Variants in CDH23 observed in about 807,000 individuals in gnomAD.
The protein encoded by CDH23 is cadherin related 23.
Under a neutral mutation model 317.1 loss-of-function variants are expected in CDH23, and 189 were observed. That is an observed-to-expected ratio of 0.60 (90% CI 0.53 to 0.67). The LOEUF (loss-of-function observed/expected upper bound fraction) is 0.67, where lower values mean the gene tolerates loss of function less well. Ranked by LOEUF, CDH23 falls within the 30% of genes least tolerant of loss-of-function variation. The pLI, the probability that CDH23 is intolerant of heterozygous loss-of-function variation, is 0.00. For missense variants in CDH23, 4,401 were observed against 4,592.4 expected (o/e 0.96, Z 1.20); for synonymous variants, 1,839 against 1,876.8 (o/e 0.98, Z 0.52).
At chr10:71,641,269 C>T (rs538490699) in intron 11 of CDH23, among the ~76,000 whole-genome samples, 2 of 152,308 alleles carry the variant, frequency 1.3e-5, no homozygotes, top group South Asian at 4.2e-4. Context: ...GACACACTGG[C>T]TCTGGGCATC....
intron 3 of CDH23, among the ~76,000 whole-genome samples, chr10:71,501,953 G>A (rs1437129614): frequency 6.6e-6 from 1 of 152,214 alleles, no homozygotes; most frequent in African/African-American, 2.4e-5. Flanking sequence ...GGCCATACCC[G>A]TGGCCTTGGA....
chr10:71,480,974 A>G (rs1408840749), intron 3 of CDH23, among the ~76,000 whole-genome samples: 1 of 152,136 alleles, frequency 6.6e-6, no homozygotes, highest in Non-Finnish European at 1.5e-5. Flanking sequence ...GTTCCATTTT[A>G]GACTTGCTGG....
Position 71,813,335 on chromosome 10 carries a change from C to T in CDH23, c.9725C>T (p.Ser3242Phe), listed in dbSNP as rs1239238990. The change falls in exon 69 of 70, where the codon TCC becomes TTC. Residue 3242 changes from serine to phenylalanine, a missense_variant. Physicochemically the swap from Ser to Phe is radical, Grantham distance 155 (BLOSUM62 -2). Coordinates refer to ENST00000224721, the MANE Select transcript of CDH23 (RefSeq NM_022124.6). The part of the protein sequence containing the change: ...RMVQKASSCH[S>F]SISELIQTEL... ...GTGCAAAAAGCCTCCTCCTGCCACTCCTCCATCTCTGAGGTAGCCGGCTGG... is the reference window on the plus strand; with the variant it reads ...GTGCAAAAAGCCTCCTCCTGCCACTTCTCCATCTCTGAGGTAGCCGGCTGG... 1.9e-6 allele frequency: 3 copies of T among 1,551,474 alleles called. No homozygotes were observed. Among genetic ancestry groups the T allele is most frequent in the Admixed American group, 2.0e-5 (1 of 50,992 alleles).
At chr10:71,515,394 TCACACA>T (rs377079980) in intron 6 of CDH23, among the ~76,000 whole-genome samples, 2 of 26,628 alleles carry the variant, frequency 7.5e-5, no homozygotes, top group African/African-American at 1.7e-4. Context: ...TCTCTCTCTC[TCACACA>T]CACACACACA....
intron 6 of CDH23, among the ~76,000 whole-genome samples, chr10:71,534,500 T>G (rs3861031): frequency 0.14 from 21,385 of 152,114 alleles, 1,803 homozygotes; most frequent in South Asian, 0.21. Flanking sequence ...TAATTCTACT[T>G]AAAACTCTCT....
chr10:71,715,537 C>T (rs889237063), intron 28 of CDH23: 3 of 170,378 alleles, frequency 1.8e-5, no homozygotes, highest in African/African-American at 4.8e-5. Flanking sequence ...TAAAGGGAAC[C>T]TTTGCCATTT....
At chr10:71,713,495 G>A (rs987346013) in intron 28 of CDH23, 3 of 562,628 alleles carry the variant, frequency 5.3e-6, no homozygotes, top group African/African-American at 3.8e-5. Flanking sequence ...GGGAGGGACA[G>A]AAGCGTGGGA....
At chr10:71,651,903 G>T (rs958602242) in intron 14 of CDH23, among the ~76,000 whole-genome samples, 4 of 152,222 alleles carry the variant, frequency 2.6e-5, no homozygotes, top group African/African-American at 9.6e-5. Flanking sequence ...CTATTTATTA[G>T]CTCCATGTCC....
At chr10:71,806,135 T>A (rs1377091600) in intron 56 of CDH23, 33 bp from the exon 57 acceptor site, 2 of 1,543,462 alleles carry the variant, frequency 1.3e-6, no homozygotes, top group Non-Finnish European at 8.8e-7. Flanking sequence ...CCTCTCCCAG[T>A]CTTTTCCTCT....
intron 6 of CDH23, among the ~76,000 whole-genome samples, chr10:71,536,247 C>T (rs528282549): frequency 7.2e-5 from 11 of 152,168 alleles, no homozygotes; most frequent in African/African-American, 1.4e-4. Context: ...GCACCCTGAA[C>T]GGTATGGCTT....
intron 49 of CDH23, 88 bp from the exon 50 acceptor site, chr10:71,798,266 C>A: frequency 1.0e-6 from 1 of 965,874 alleles, no homozygotes; most frequent in African/African-American, 1.6e-5. Context: ...TGCTGCCATG[C>A]TCACCCGGCT....
At chr10:71,562,193 G>C (rs1357309014) in intron 6 of CDH23, among the ~76,000 whole-genome samples, 1 of 149,924 alleles carries the variant, frequency 6.7e-6, no homozygotes, top group African/African-American at 2.5e-5. Context: ...CATTCTCCTT[G>C]TCCTCAGATG....
intron 14 of CDH23, among the ~76,000 whole-genome samples, chr10:71,659,960 G>GTT (rs5786047): frequency 0.056 from 6,709 of 119,470 alleles, 350 homozygotes; most frequent in South Asian, 0.13. Context: ...CTTTCTTTCC[G>GTT]TTTTTTTTTT....
At chr10:71,663,040 T>C (rs1185098567) in intron 14 of CDH23, among the ~76,000 whole-genome samples, 2 of 152,216 alleles carry the variant, frequency 1.3e-5, no homozygotes, top group East Asian at 1.9e-4. Flanking sequence ...ACACTTGTCA[T>C]TGGATTTATG....
At chr10:71,429,098 A>AT (rs1191950542) in intron 1 of CDH23, among the ~76,000 whole-genome samples, 3 of 152,104 alleles carry the variant, frequency 2.0e-5, no homozygotes, top group African/African-American at 4.8e-5. Flanking sequence ...CAATTTATCG[A>AT]TTTTTTCCAT....
chr10:71,712,871 C>G (rs74147036), intron 28 of CDH23, 58 bp downstream of exon 28: 3 of 1,575,668 alleles, frequency 1.9e-6, no homozygotes, highest in Non-Finnish European at 2.6e-6. Context: ...GAGCCACACA[C>G]GGCCCTGAGG....
chr10:71,764,707 T>C (rs1840487607), intron 38 of CDH23, among the ~76,000 whole-genome samples: 1 of 152,218 alleles, frequency 6.6e-6, no homozygotes, highest in African/African-American at 2.4e-5. Context: ...CTTCACTCTC[T>C]CACCGTGGTT....
chr10:71,581,299 C>A (rs1342715329), intron 9 of CDH23, among the ~76,000 whole-genome samples: 1 of 152,166 alleles, frequency 6.6e-6, no homozygotes, highest in Non-Finnish European at 1.5e-5. Context: ...TGGGCAGAGC[C>A]AAATGGAGAG....
At chr10:71,775,822 G>A (rs1486198756) in intron 38 of CDH23, among the ~76,000 whole-genome samples, 1 of 152,214 alleles carries the variant, frequency 6.6e-6, no homozygotes, top group Non-Finnish European at 1.5e-5. Context: ...TTCGAATAAA[G>A]ATGACTGTCA....
Sources: gnomAD v4.1 joint callset for allele counts (sites outside exome capture counted in the v4.1 genomes callset) on GRCh38, gnomAD v4.1.1 for gene constraint, MANE v1.5 for transcripts, NCBI Gene and HGNC (gene_info 2026-07-23, HGNC 2026-07-21) for gene names.